The following ZNF221 variants were observed in gnomAD, a reference collection of about 807,000 sequenced individuals.
ZNF221 encodes the protein zinc finger protein 221.
A neutral mutation model predicts 12.6 loss-of-function variants in ZNF221; 10 were observed. The ratio of observed to expected loss-of-function variants is 0.79; its 90% CI spans 0.49 to 1.34. ZNF221 has a LOEUF of 1.34. Among genes scored for constraint, ZNF221 ranks in the 40% most tolerant of loss-of-function variants. The pLI is 0.00. For synonymous variants in ZNF221, 232 were observed against 244.0 expected, an observed-to-expected ratio of 0.95 and a Z score of 0.46; for missense variants, 661 against 721.4, an observed-to-expected ratio of 0.92 and a Z score of 0.96.
intron 1 of ZNF221, among the ~76,000 whole-genome samples, chr19:43,952,085 G>A: frequency 6.6e-6 from 1 of 151,444 alleles, no homozygotes. Context: ...GTGTTAGCCA[G>A]GATGGTCTCG....
At chr19:43,972,400 A>C (rs1196474529), downstream of ZNF221, among the ~76,000 whole-genome samples, 2 of 152,168 alleles carry the variant, frequency 1.3e-5, no homozygotes, top group Non-Finnish European at 2.9e-5. Context: ...AGCAGAATAC[A>C]GGAAATAAGA....
downstream of ZNF221, among the ~76,000 whole-genome samples, chr19:43,972,114 A>G (rs1459140649): frequency 6.6e-6 from 1 of 152,188 alleles, no homozygotes; most frequent in African/African-American, 2.4e-5. Flanking sequence ...AAATTAAAAC[A>G]AAAATGAAAT....
Position 43,962,774 on chromosome 19 carries a change from C to T in ZNF221, c.48C>T (p.Phe16=), listed in dbSNP as rs1275096630. 1.2e-6 allele frequency: 2 copies of T among 1,613,762 alleles called. No homozygotes were observed. Among genetic ancestry groups the T allele is most frequent in the Admixed American group, 1.7e-5 (1 of 59,976 alleles). Reference sequence around the variant, plus strand: ...TGCTTCATTCAGGACTCTGCAAATTCCCTGAAGTAGAAGGAAAAATGACCA... The same window carrying T: ...TGCTTCATTCAGGACTCTGCAAATTTCCTGAAGTAGAAGGAAAAATGACCA... The part of the protein sequence containing the change: ...LELLHSGLCK[F]PEVEGKMTTF... Residue 16 remains phenylalanine, a synonymous_variant, in exon 2 of 5, where the codon TTC becomes TTT. Coordinates refer to ENST00000587682, the MANE Select transcript of ZNF221 (RefSeq NM_001297588.2).
At chr19:43,972,369 C>A (rs1207915560), downstream of ZNF221, among the ~76,000 whole-genome samples, 1 of 151,568 alleles carries the variant, frequency 6.6e-6, no homozygotes, top group Non-Finnish European at 1.5e-5. Context: ...AAATAGAGAA[C>A]CAAAAACAAA....
the ZNF221 span, among the ~76,000 whole-genome samples, chr19:43,977,752 T>G: frequency 5.6e-4 from 86 of 152,324 alleles, no homozygotes; most frequent in Non-Finnish European, 9.3e-4. Flanking sequence ...CTTCAAAGTG[T>G]CTAGTTGAGA....
rs972493997 is a variant in ZNF221 at position 43,966,472 on chromosome 19, A to G, written c.970A>G (p.Arg324Gly). 8.1e-6 allele frequency: 13 copies of G among 1,614,104 alleles called. No individual in the cohort carries two copies. Among genetic ancestry groups the G allele is most frequent in the Non-Finnish European group, 9.3e-6 (11 of 1,180,054 alleles). ...TGGTAAGAGCTTCCGTGTTAGATCA[A>G]GACTTAATAGGCATTCCATGGTTCA... is the stretch of plus-strand genomic sequence containing the variant. ...ICGKSFRVRS[R>G]LNRHSMVHTG... The change falls in exon 5 of 5, where the codon AGA becomes GGA. Residue 324 changes from arginine to glycine, a missense_variant. Arg to Gly is a moderately radical substitution (Grantham distance 125, BLOSUM62 -2). Transcript: ENST00000587682.
chr19:43,978,094 C>T, the ZNF221 span, among the ~76,000 whole-genome samples: 1 of 152,178 alleles, frequency 6.6e-6, no homozygotes, highest in Non-Finnish European at 1.5e-5. Flanking sequence ...AATGGAAGCT[C>T]ATTAGCAACC....
Position 43,965,983 on chromosome 19 carries a change from T to C in ZNF221, c.481T>C (p.Ser161Pro), listed in dbSNP as rs375692578. The change falls in exon 5 of 5, where the codon TCT becomes CCT. Residue 161 changes from serine (S) to proline (P), a missense_variant. By Grantham distance (74) the Ser-to-Pro change is moderately conservative. Transcript: ENST00000587682. ...CCCCTGCCAGATTGAGGCAAGACTA[T>C]CTATAAGTCACGTGCAACAGAAACC... is the stretch of plus-strand genomic sequence containing the variant. ...DVPCQIEARL[S>P]ISHVQQKPYR... 1.9e-6 allele frequency: 3 copies of C among 1,614,238 alleles called. No homozygotes were observed. The highest frequency in any genetic ancestry group is 1.7e-5 in the Admixed American group (1 of 60,034).
chr19:43,952,840 T>G (rs1380564479), intron 1 of ZNF221, among the ~76,000 whole-genome samples: 1 of 152,220 alleles, frequency 6.6e-6, no homozygotes, highest in Non-Finnish European at 1.5e-5. Context: ...ATATTTTGTA[T>G]TCTTATAGAA....
the ZNF221 span, among the ~76,000 whole-genome samples, chr19:43,980,939 T>C: frequency 6.6e-6 from 1 of 152,160 alleles, no homozygotes; most frequent in African/African-American, 2.4e-5. Context: ...GTGATTAAAA[T>C]GTTAATGAAA....
chr19:43,969,087 G>T (rs59689608), downstream of ZNF221, among the ~76,000 whole-genome samples: 1 of 152,166 alleles, frequency 6.6e-6, no homozygotes, highest in African/African-American at 2.4e-5. Context: ...GCAACATTCT[G>T]TGGGCCCCAC....
At chr19:43,970,199 T>A (rs966795006), downstream of ZNF221, among the ~76,000 whole-genome samples, 9 of 9,400 alleles carry the variant, frequency 9.6e-4, no homozygotes, top group African/African-American at 1.1e-3. Flanking sequence ...GTGGCTTGAC[T>A]GTTAAAAACA....
rs760324309 is a variant in ZNF221 at position 43,967,127 on chromosome 19, G to T, written c.1625G>T (p.Gly542Val). Residue 542 changes from glycine (G) to valine (V), a missense_variant, in exon 5 of 5, where the codon GGG (glycine) becomes GTG (valine). By Grantham distance (109) the Gly-to-Val change is moderately radical. Coordinates refer to ENST00000587682, the MANE Select transcript of ZNF221 (RefSeq NM_001297588.2). ...KLYKCEQCEK[G>V]YNSKFNLDMH... ...TACAAATGTGAGCAGTGTGAGAAGGGGTACAACAGTAAATTTAATCTTGAC... is the reference window on the plus strand; with the variant it reads ...TACAAATGTGAGCAGTGTGAGAAGGTGTACAACAGTAAATTTAATCTTGAC... The T allele has an allele frequency of 6.7e-5, 107 of 1,591,296 alleles. No individual in the cohort carries two copies. The highest frequency in any genetic ancestry group is 8.6e-5 in the Non-Finnish European group (100 of 1,167,042).
At chr19:43,977,407 A>C in the ZNF221 span, 3 of 152,210 alleles carry the variant, frequency 2.0e-5, no homozygotes, top group Non-Finnish European at 4.4e-5. Context: ...AGGGATGTGG[A>C]AGTCATATTT....
the ZNF221 span, among the ~76,000 whole-genome samples, chr19:43,978,020 A>G: frequency 6.6e-6 from 1 of 152,228 alleles, no homozygotes; most frequent in Non-Finnish European, 1.5e-5. Context: ...TCCTCTCTGC[A>G]TGGTGTTACA....
At chr19:43,969,199 G>A (rs557801943), downstream of ZNF221, among the ~76,000 whole-genome samples, 6 of 152,258 alleles carry the variant, frequency 3.9e-5, no homozygotes, top group South Asian at 1.2e-3. Context: ...GGGAAGGCTG[G>A]CCACCATTTC....
intron 1 of ZNF221, among the ~76,000 whole-genome samples, chr19:43,957,795 G>A (rs1974780111): frequency 1.3e-5 from 2 of 152,152 alleles, no homozygotes; most frequent in South Asian, 4.1e-4. Flanking sequence ...GTTCAGTTTT[G>A]CAAGAGTTAA....
At chr19:43,954,494 C>G (rs1416767869) in intron 1 of ZNF221, among the ~76,000 whole-genome samples, 2 of 152,138 alleles carry the variant, frequency 1.3e-5, no homozygotes, top group Non-Finnish European at 2.9e-5. Flanking sequence ...AAATGCTTCC[C>G]CCTCAGTTCA....
intron 1 of ZNF221, among the ~76,000 whole-genome samples, chr19:43,954,083 CAAAAAA>C (rs5828186): frequency 1.2e-5 from 1 of 86,678 alleles, no homozygotes. Flanking sequence ...GACTCCGTCT[CAAAAAA>C]AAAAAAAAAA....
Sources: allele counts gnomAD v4.1 joint callset (sites outside exome capture counted in the v4.1 genomes callset), GRCh38; gene constraint gnomAD v4.1.1; transcripts MANE v1.5; gene names NCBI Gene and HGNC (gene_info 2026-07-23, HGNC 2026-07-21).